TRIO: variants seen among roughly 807,000 people sequenced by gnomAD.
The protein encoded by TRIO is triple functional domain protein.
In TRIO, 58 loss-of-function variants were observed where a neutral mutation model predicts 351.9. That is an observed-to-expected ratio of 0.16 (90% CI 0.13 to 0.21). TRIO has a LOEUF of 0.21. Ranked by LOEUF, TRIO falls within the 10% of genes least tolerant of loss-of-function variation. The pLI is 1.00. For missense variants in TRIO, 3,201 were observed against 4,027.8 expected (o/e 0.79, Z 5.56); for synonymous variants, 1,758 against 1,595.7 (o/e 1.10, Z -2.42).
At chr5:14,488,976 G>C (rs1756266556) in intron 48 of TRIO, 1 of 764,758 alleles carries the variant, frequency 1.3e-6, no homozygotes, top group African/African-American at 1.7e-5. Flanking sequence ...TGCTGTGGTG[G>C]GTTTTCCCTC....
At chr5:14,290,594 A>T in intron 4 of TRIO, 122 bp from the exon 5 acceptor site, 3 of 1,023,342 alleles carry the variant, frequency 2.9e-6, no homozygotes, top group Non-Finnish European at 4.2e-6. Context: ...CAGGTATGTT[A>T]TGTTTTCTAT....
intron 24 of TRIO, 48 bp downstream of exon 24, chr5:14,388,727 C>A: frequency 6.5e-7 from 1 of 1,539,860 alleles, no homozygotes; most frequent in Non-Finnish European, 8.7e-7. Context: ...TTAGATTGAG[C>A]ATAAGCTTGC....
chr5:14,212,782 T>A (rs532022420), intron 1 of TRIO, among the ~76,000 whole-genome samples: 6 of 152,346 alleles, frequency 3.9e-5, no homozygotes, highest in African/African-American at 1.4e-4. Context: ...CTTAATTTTT[T>A]AATTTACACA....
intron 33 of TRIO, among the ~76,000 whole-genome samples, chr5:14,412,717 C>G (rs978190641): frequency 6.6e-6 from 1 of 152,208 alleles, no homozygotes; most frequent in African/African-American, 2.4e-5. Context: ...AATTCAGAAG[C>G]CTTTTCCACA....
chr5:14,364,650 G>A lies in TRIO; in HGVS notation c.2588G>A (p.Gly863Asp). The change falls in exon 15 of 57, where the codon GGT becomes GAT. Residue 863 changes from glycine (G) to aspartate (D), a missense_variant and splice_region_variant. By Grantham distance (94) the Gly-to-Asp change is moderately conservative (BLOSUM62 -1). Transcript: ENST00000344204. Reference protein sequence around the residue: ...LQYVNEVQASGVELLCDRDVD... With the variant: ...LQYVNEVQASDVELLCDRDVD... ...TAGGGTCTCCCTTTAATGTCCACAGGTGTGGAGCTGCTGTGTGATAGAGAT... is the reference window on the plus strand; with the variant it reads ...TAGGGTCTCCCTTTAATGTCCACAGATGTGGAGCTGCTGTGTGATAGAGAT... 6.2e-7 allele frequency: 1 copy of A among 1,612,860 alleles called. No homozygotes were observed. Among genetic ancestry groups the A allele is most frequent in the Non-Finnish European group, 8.5e-7 (1 of 1,179,330 alleles).
At chr5:14,349,503 C>T (rs1285027042) in intron 11 of TRIO, among the ~76,000 whole-genome samples, 2 of 152,070 alleles carry the variant, frequency 1.3e-5, no homozygotes, top group Non-Finnish European at 2.9e-5. Flanking sequence ...CCACTGAAGC[C>T]GCAGGGCCCA....
chr5:14,147,581 C>T (rs140538250), intron 1 of TRIO, among the ~76,000 whole-genome samples: 180 of 152,280 alleles, frequency 1.2e-3, no homozygotes, highest in African/African-American at 4.2e-3. Context: ...CACGTCCTGT[C>T]GTGCTTGGTT....
chr5:14,284,844 T>C (rs1463033338), intron 3 of TRIO, among the ~76,000 whole-genome samples: 10 of 152,170 alleles, frequency 6.6e-5, no homozygotes. Flanking sequence ...CAGCAGAATA[T>C]GTGAATCTGG....
intron 1 of TRIO, among the ~76,000 whole-genome samples, chr5:14,208,768 G>A (rs2152188727): frequency 6.6e-6 from 1 of 152,328 alleles, no homozygotes; most frequent in East Asian, 1.9e-4. Context: ...ATAAGGCAAA[G>A]GCTGAGCTTT....
intron 55 of TRIO, among the ~76,000 whole-genome samples, chr5:14,506,856 C>T (rs542121147): frequency 6.6e-6 from 1 of 152,324 alleles, no homozygotes; most frequent in South Asian, 2.1e-4. Context: ...CCATCCCCCG[C>T]AACAGGCGGG....
At chr5:14,214,582 A>C (rs148149024) in intron 1 of TRIO, among the ~76,000 whole-genome samples, 65 of 152,352 alleles carry the variant, frequency 4.3e-4, no homozygotes, top group African/African-American at 1.5e-3. Context: ...GGATGTTATT[A>C]GCATCTACCG....
At chr5:14,439,016 T>C (rs1004265677) in intron 34 of TRIO, among the ~76,000 whole-genome samples, 1 of 152,126 alleles carries the variant, frequency 6.6e-6, no homozygotes, top group Non-Finnish European at 1.5e-5. Flanking sequence ...TTGAGGGTTT[T>C]TTTTTGTTTT....
chr5:14,374,025 A>G (rs746310230), intron 18 of TRIO, among the ~76,000 whole-genome samples: 49 of 152,192 alleles, frequency 3.2e-4, no homozygotes, highest in Non-Finnish European at 6.8e-4. Context: ...AGAATGTAGC[A>G]GCAGGTGTCA....
At chr5:14,239,347 T>A (rs1793988545) in intron 1 of TRIO, among the ~76,000 whole-genome samples, 15 of 152,190 alleles carry the variant, frequency 9.9e-5, no homozygotes, top group Admixed American at 9.2e-4. Context: ...AGTTGAAATG[T>A]ATAGAATAAG....
chr5:14,227,149 C>T (rs942706105), intron 1 of TRIO, among the ~76,000 whole-genome samples: 4 of 152,130 alleles, frequency 2.6e-5, no homozygotes, highest in African/African-American at 7.2e-5. Flanking sequence ...TGTCTTGTTC[C>T]GCACCCGCAG....
chr5:14,419,827 G>A lies in TRIO; in HGVS notation c.5009G>A (p.Cys1670Tyr). 1 of 1,614,228 alleles carries A rather than the reference G, an allele frequency of 6.2e-7. No individual in the cohort carries two copies. Among genetic ancestry groups the A allele is most frequent in the South Asian group, 1.1e-5 (1 of 91,078 alleles). ...LTVVIHDFTA[C>Y]NSNELTIRRG... ...GTGGTGATCCATGACTTCACCGCTT[G>A]CAACAGCAACGAGCTGACCATCCGA... Residue 1670 changes from cysteine to tyrosine, a missense_variant, in exon 34 of 57, where the codon TGC becomes TAC. This residue lies in a region of TRIO where 136 missense variants were observed against 229.5 expected (regional missense o/e 0.59). Coordinates refer to ENST00000344204, the MANE Select transcript of TRIO (RefSeq NM_007118.4).
intron 1 of TRIO, among the ~76,000 whole-genome samples, chr5:14,267,105 T>A (rs1453429418): frequency 1.3e-5 from 2 of 152,172 alleles, no homozygotes. Flanking sequence ...ATTATATAAT[T>A]CAAAAAGTGG....
At chr5:14,457,962 T>G (rs1222382037) in intron 34 of TRIO, among the ~76,000 whole-genome samples, 1 of 152,090 alleles carries the variant, frequency 6.6e-6, no homozygotes, top group Non-Finnish European at 1.5e-5. Flanking sequence ...GTCCTACTAG[T>G]TGTGATGTGT....
rs1417675720 is a variant in TRIO, at chr5:14,502,604, G to T, written c.8358G>T (p.Val2786=). ...GTCCAGGGATGGATGGGATCATGGT[G>T]ACCTGGAAAGACAACTTTGACTCCT... ...VLGPGMDGIM[V]TWKDNFDSFY... Residue 2786 remains valine (V), a synonymous_variant, in exon 54 of 57, where the codon GTG becomes GTT. Coordinates refer to ENST00000344204, the MANE Select transcript of TRIO (RefSeq NM_007118.4). 1 of 1,614,214 alleles carries T rather than the reference G, an allele frequency of 6.2e-7. No homozygotes were observed. Among genetic ancestry groups the T allele is most frequent in the Admixed American group, 1.7e-5 (1 of 60,036 alleles).
Sources: allele counts gnomAD v4.1 joint callset (sites outside exome capture counted in the v4.1 genomes callset), GRCh38; gene constraint gnomAD v4.1.1; regional missense constraint gnomAD v4.1.1; transcripts MANE v1.5; gene names NCBI Gene and HGNC (gene_info 2026-07-23, HGNC 2026-07-21).